Variants in ERI1 observed in about 807,000 individuals in gnomAD.
ERI1 encodes 3'-5' exoribonuclease 1.
Under a neutral mutation model 39.7 loss-of-function variants are expected in ERI1, and 39 were observed. That is an observed-to-expected ratio of 0.98 (90% CI 0.76 to 1.28). The LOEUF is 1.28. Among genes scored for constraint, ERI1 ranks in the 50% most tolerant of loss-of-function variants. ERI1 has a pLI of 0.00. For missense variants in ERI1, 581 were observed against 416.9 expected, an observed-to-expected ratio of 1.39 and a Z score of -3.43; for synonymous variants, 204 against 149.6, an observed-to-expected ratio of 1.36 and a Z score of -2.65.
At position 9,003,024 on chromosome 8, in the gene ERI1, T is replaced by C; in HGVS notation, c.-40T>C. 8.5e-7 allele frequency: 1 copy of C among 1,178,202 alleles called. No homozygotes were observed. Among genetic ancestry groups the C allele is most frequent in the Non-Finnish European group, 1.1e-6 (1 of 926,462 alleles). 73.0% of individuals were successfully genotyped at this position (1,178,202 alleles called of 1,614,324 possible). Reference sequence around the variant, plus strand: ...GCTCTGCAGAGTGAGAGTTAGCAAGTGTCCGGCTCCAGCAACTCTCCTCTG... The same window carrying C: ...GCTCTGCAGAGTGAGAGTTAGCAAGCGTCCGGCTCCAGCAACTCTCCTCTG... On this transcript the variant is annotated 5_prime_UTR_variant, in exon 1 of 7. Transcript: ENST00000250263.
In ERI1 at chr8:9,003,141, C is replaced by T. The variant is rs1335055357; in HGVS notation, c.78C>T (p.Gly26=). ...TGCTGGAGTCGCCGCGGCCGGAGGG[C>T]GGGGAGGAGCCGCCGCGTCCCAGTC... ...LALLESPRPE[G]GEEPPRPSPE... The change falls in exon 1 of 7, where the codon GGC becomes GGT. Residue 26 remains glycine, a synonymous_variant. Transcript: ENST00000250263. 2.4e-6 allele frequency: 3 copies of T among 1,244,552 alleles called. No homozygotes were observed. Among genetic ancestry groups the T allele is most frequent in the East Asian group, 6.3e-5 (2 of 31,812 alleles). The allele number at this position is 1,244,552 out of a possible 1,614,324, so 77.1% of individuals were successfully genotyped here.
chr8:9,007,091 G>C (rs1816098833), intron 1 of ERI1, among the ~76,000 whole-genome samples: 1 of 152,156 alleles, frequency 6.6e-6, no homozygotes, highest in African/African-American at 2.4e-5. Context: ...ACTTACAAAT[G>C]AATCTTTGGA....
chr8:9,076,420 C>G (rs775024238), intron 3 of ERI1, among the ~76,000 whole-genome samples: 8 of 152,112 alleles, frequency 5.3e-5, no homozygotes, highest in Non-Finnish European at 1.2e-4. Flanking sequence ...AAACCCAAGT[C>G]AGAATGAGAT....
intron 6 of ERI1, among the ~76,000 whole-genome samples, chr8:9,028,770 C>T (rs926473467): frequency 1.3e-4 from 20 of 151,802 alleles, no homozygotes; most frequent in Non-Finnish European, 2.9e-5. Flanking sequence ...ATTACAGGCG[C>T]ACGCCACCAT....
rs182110131 is a variant in ERI1 at position 9,031,680 on chromosome 8, A to T, written c.*1646A>T. On this transcript the variant is annotated 3_prime_UTR_variant, in exon 7 of 7. Coordinates refer to ENST00000250263, the MANE Select transcript of ERI1 (RefSeq NM_153332.4). The stretch of plus-strand genomic sequence containing the variant: ...TCTGCTAATTTCTTTGCCTGTTTTC[A>T]CTTTCGCCAAGTACCAACAAGCTCA... 1.3e-5 allele frequency: 2 copies of T among 152,154 alleles called. No homozygotes were observed. The highest frequency in any genetic ancestry group is 1.3e-4 in the Admixed American group (2 of 15,284). 9.4% of individuals were successfully genotyped at this position (152,154 alleles called of 1,614,324 possible). A position where few individuals can be genotyped will look rare whatever the true frequency, so the allele number is the denominator to read the frequency against.
chr8:9,018,830 T>C (rs1817582972), intron 5 of ERI1, among the ~76,000 whole-genome samples: 1 of 152,206 alleles, frequency 6.6e-6, no homozygotes, highest in Non-Finnish European at 1.5e-5. Context: ...GTGTAGTTAC[T>C]TATGCCTCCC....
At chr8:9,019,606 C>T (rs1817672963) in intron 5 of ERI1, among the ~76,000 whole-genome samples, 1 of 152,140 alleles carries the variant, frequency 6.6e-6, no homozygotes, top group Admixed American at 6.5e-5. Context: ...CCCAGGCAAG[C>T]AGCTCAGGGA....
intron 3 of ERI1, among the ~76,000 whole-genome samples, chr8:9,038,969 A>AT (rs1008636757): frequency 6.6e-6 from 1 of 152,226 alleles, no homozygotes; most frequent in African/African-American, 2.4e-5. Context: ...GTGATCTGTG[A>AT]TGATAAATCA....
chr8:9,018,916 TTGA>T (rs1817595682), intron 5 of ERI1, among the ~76,000 whole-genome samples: 1 of 152,222 alleles, frequency 6.6e-6, no homozygotes, highest in Non-Finnish European at 1.5e-5. Flanking sequence ...GACAACGCCA[TTGA>T]TCTTTTTTTT....
intron 1 of ERI1, 38 bp from the exon 2 acceptor site, chr8:9,007,932 A>G (rs1264684485): frequency 5.9e-6 from 9 of 1,529,622 alleles, no homozygotes; most frequent in Non-Finnish European, 6.1e-6. Context: ...TATAAACTAC[A>G]TCCTTTTTTT....
intron 6 of ERI1, among the ~76,000 whole-genome samples, chr8:9,028,997 T>TTA (rs1322406564): frequency 2.8e-4 from 39 of 139,316 alleles, no homozygotes; most frequent in African/African-American, 1.1e-3. Flanking sequence ...TTTTTTTTTT[T>TTA]AACTTATCAA....
At chr8:9,019,437 G>T (rs965599989) in intron 5 of ERI1, among the ~76,000 whole-genome samples, 1 of 152,232 alleles carries the variant, frequency 6.6e-6, no homozygotes, top group Non-Finnish European at 1.5e-5. Context: ...TGAATGAGCA[G>T]TGCTCTGCTA....
chr8:9,012,607 A>G (rs1816784115), intron 3 of ERI1, among the ~76,000 whole-genome samples: 1 of 152,254 alleles, frequency 6.6e-6, no homozygotes. Flanking sequence ...TTAGAAGGAA[A>G]AATGGCAGCT....
chr8:9,051,773 G>C (rs1563358445), intron 3 of ERI1, among the ~76,000 whole-genome samples: 1 of 152,094 alleles, frequency 6.6e-6, no homozygotes, highest in African/African-American at 2.4e-5. Context: ...GTCCTATGTA[G>C]TTATACATTT....
intron 3 of ERI1, among the ~76,000 whole-genome samples, chr8:9,084,266 C>G (rs1006708303): frequency 6.6e-6 from 1 of 152,158 alleles, no homozygotes. Context: ...GAGACCCTGT[C>G]TCAAAGAATA....
intron 5 of ERI1, 35 bp downstream of exon 5, chr8:9,018,441 C>T: frequency 8.2e-7 from 1 of 1,218,652 alleles, no homozygotes; most frequent in Non-Finnish European, 1.2e-6. Context: ...TTTATATCTA[C>T]TTTTTAAAGA....
chr8:9,040,112 T>A (rs1439146818), intron 3 of ERI1, among the ~76,000 whole-genome samples: 1 of 152,230 alleles, frequency 6.6e-6, no homozygotes, highest in Non-Finnish European at 1.5e-5. Flanking sequence ...AACAGCTGTT[T>A]GTAGCAGTCA....
At chr8:9,038,941 C>A (rs1338303017) in intron 3 of ERI1, among the ~76,000 whole-genome samples, 3 of 152,120 alleles carry the variant, frequency 2.0e-5, no homozygotes, top group Admixed American at 2.0e-4. Context: ...CTTTAATTTC[C>A]GTGACAAAAA....
At chr8:9,090,334 C>T (rs1408475758) in intron 3 of ERI1, among the ~76,000 whole-genome samples, 1 of 152,144 alleles carries the variant, frequency 6.6e-6, no homozygotes, top group Non-Finnish European at 1.5e-5. Context: ...TCTGTTTCTC[C>T]AGTGATGTAA....
Sources: gnomAD v4.1 joint callset for allele counts (sites outside exome capture counted in the v4.1 genomes callset) on GRCh38, gnomAD v4.1.1 for gene constraint, MANE v1.5 for transcripts, NCBI Gene and HGNC (gene_info 2026-07-23, HGNC 2026-07-21) for gene names.